TASP1: variants seen among roughly 807,000 people sequenced by gnomAD.
The protein encoded by TASP1 is threonine aspartase 1.
In TASP1, 16 loss-of-function variants were observed where a neutral mutation model predicts 56.6. The ratio of observed to expected loss-of-function variants is 0.28; its 90% CI spans 0.19 to 0.43. TASP1 has a LOEUF of 0.43. TASP1 is among the 20% of genes least tolerant of loss of function. TASP1 has a pLI of 1.00. For synonymous variants in TASP1, 179 were observed against 184.2 expected (o/e 0.97, Z 0.23); for missense variants, 393 against 511.6 (o/e 0.77, Z 2.24).
At chr20:13,536,419 A>G (rs886775118) in intron 8 of TASP1, among the ~76,000 whole-genome samples, 5 of 152,240 alleles carry the variant, frequency 3.3e-5, no homozygotes, top group African/African-American at 4.8e-5. Flanking sequence ...AACTGACAGC[A>G]TATCACCACT....
the TASP1 span, among the ~76,000 whole-genome samples, chr20:13,373,972 T>C: frequency 1.3e-5 from 2 of 152,160 alleles, no homozygotes; most frequent in African/African-American, 2.4e-5. Flanking sequence ...ATAATCCCTA[T>C]CAGTCTATCA....
At chr20:13,121,817 C>CA in the TASP1 span, among the ~76,000 whole-genome samples, 20 of 151,664 alleles carry the variant, frequency 1.3e-4, no homozygotes, top group East Asian at 1.4e-3. Context: ...AAACTCAGTC[C>CA]AAAAAAAATA....
At chr20:13,521,870 G>A (rs932133735) in intron 10 of TASP1, among the ~76,000 whole-genome samples, 4 of 151,956 alleles carry the variant, frequency 2.6e-5, no homozygotes, top group South Asian at 2.1e-4. Context: ...TACTTGCTAC[G>A]GGAAAAAATA....
intron 4 of TASP1, among the ~76,000 whole-genome samples, chr20:13,593,766 T>C (rs957583609): frequency 2.6e-5 from 4 of 152,086 alleles, no homozygotes; most frequent in African/African-American, 9.7e-5. Context: ...TCCACCTCTG[T>C]GGGGAGGGCA....
the TASP1 span, among the ~76,000 whole-genome samples, chr20:13,182,334 A>G: frequency 6.6e-6 from 1 of 152,112 alleles, no homozygotes; most frequent in African/African-American, 2.4e-5. Context: ...AATGCATTGC[A>G]TTTCATTATC....
Position 13,578,639 on chromosome 20 carries a change from T to C in TASP1, c.488+2258A>G, listed in dbSNP as rs535418871. On this transcript the variant is annotated intron_variant, in intron 6 of 13. Transcript: ENST00000337743. ...TTGGGTTTGGGCTTTTTCTTAGTGA[T>C]GTGACATCGGAATTTAATGTTCTTG... 4.9e-4 allele frequency among the ~76,000 whole-genome samples: 75 copies of C among 152,326 alleles called. 1 individual carries two copies. The highest frequency in any genetic ancestry group is 2.2e-3 in the Admixed American group (33 of 15,298).
At position 13,566,926 on chromosome 20, in the gene TASP1, G is replaced by A. The variant is rs144341497; in HGVS notation, c.568+2581C>T. On this transcript the variant is annotated intron_variant, in intron 7 of 13. Transcript: ENST00000337743. Reference sequence around the variant, plus strand: ...TTTGACCTAGCAACCCCGTTACTGAGTATATACCCAAAGGAATACAAGTTG... The same window carrying A: ...TTTGACCTAGCAACCCCGTTACTGAATATATACCCAAAGGAATACAAGTTG... Among the ~76,000 whole-genome samples the A allele has an allele frequency of 1.8e-3, 277 of 152,196 alleles. 1 individual carries two copies. Among genetic ancestry groups the A allele is most frequent in the African/African-American group, 6.3e-3 (260 of 41,532 alleles).
chr20:13,529,691 A>T (rs1436889780), intron 9 of TASP1, among the ~76,000 whole-genome samples: 1 of 152,220 alleles, frequency 6.6e-6, no homozygotes, highest in East Asian at 1.9e-4. Context: ...CCACTGATGG[A>T]GGAAAAAGAT....
intron 4 of TASP1, among the ~76,000 whole-genome samples, chr20:13,591,524 G>A (rs1314131093): frequency 6.6e-6 from 1 of 152,096 alleles, no homozygotes; most frequent in East Asian, 1.9e-4. Context: ...GACTTCTTCA[G>A]ACACATAAAA....
chr20:13,265,703 G>A, the TASP1 span, among the ~76,000 whole-genome samples: 1 of 152,084 alleles, frequency 6.6e-6, no homozygotes, highest in Non-Finnish European at 1.5e-5. Flanking sequence ...AGTAATGGCG[G>A]TTTTTGCCAT....
Position 13,638,904 on chromosome 20 carries a change from C to A in TASP1, c.-85G>T, listed in dbSNP as rs1414628043. 1 of 152,500 alleles carries A rather than the reference C, an allele frequency of 6.6e-6. No individual in the cohort carries two copies. Among genetic ancestry groups the A allele is most frequent in the Non-Finnish European group, 1.5e-5 (1 of 68,312 alleles). 9.4% of individuals were successfully genotyped at this position (152,500 alleles called of 1,614,324 possible). On this transcript the variant is annotated 5_prime_UTR_variant, in exon 1 of 14. Transcript: ENST00000337743. Reference sequence around the variant, plus strand: ...AAGAGGGACACTCACCCGCTTCAGCCCCGAGCCTTCACTGCACCGGAAGTA... The same window carrying A: ...AAGAGGGACACTCACCCGCTTCAGCACCGAGCCTTCACTGCACCGGAAGTA...
the TASP1 span, chr20:13,164,400 C>A: frequency 2.1e-6 from 1 of 478,076 alleles, no homozygotes; most frequent in South Asian, 1.5e-5. Context: ...ATGCATTCTG[C>A]AACCTTATCT....
At chr20:13,628,469 T>C (rs1745154734) in intron 2 of TASP1, among the ~76,000 whole-genome samples, 1 of 152,174 alleles carries the variant, frequency 6.6e-6, no homozygotes, top group Non-Finnish European at 1.5e-5. Context: ...TCTGTAAATT[T>C]ACCTCACCTC....
chr20:13,112,901 G>A, the TASP1 span, among the ~76,000 whole-genome samples: 1 of 152,176 alleles, frequency 6.6e-6, no homozygotes, highest in African/African-American at 2.4e-5. Flanking sequence ...TTTCCCATAA[G>A]GCCAGGTGCA....
At chr20:13,627,518 G>A (rs549890622) in intron 2 of TASP1, among the ~76,000 whole-genome samples, 8 of 152,220 alleles carry the variant, frequency 5.3e-5, no homozygotes, top group Non-Finnish European at 1.2e-4. Context: ...TTGGGAGGCC[G>A]AGGCGGGTGG....
intron 7 of TASP1, among the ~76,000 whole-genome samples, chr20:13,566,818 A>T (rs1311281643): frequency 6.6e-6 from 1 of 152,184 alleles, no homozygotes; most frequent in Non-Finnish European, 1.5e-5. Flanking sequence ...GTGCTTACAC[A>T]CTGCTGGTGG....
the TASP1 span, chr20:13,164,874 T>C: frequency 3.1e-6 from 5 of 1,608,162 alleles, no homozygotes; most frequent in South Asian, 3.3e-5. Context: ...TTAAGTTTCC[T>C]GGTCCTGAAT....
At chr20:13,435,598 T>C (rs1216322497) in intron 11 of TASP1, among the ~76,000 whole-genome samples, 1 of 152,182 alleles carries the variant, frequency 6.6e-6, no homozygotes, top group Non-Finnish European at 1.5e-5. Flanking sequence ...CCACAAACTT[T>C]ATTATAAACA....
the TASP1 span, among the ~76,000 whole-genome samples, chr20:13,126,232 A>G: frequency 6.6e-6 from 1 of 152,160 alleles, no homozygotes; most frequent in South Asian, 2.1e-4. Context: ...AAGGGCAAGG[A>G]CCACATCCTG....
Sources: allele counts gnomAD v4.1 joint callset (sites outside exome capture counted in the v4.1 genomes callset), GRCh38; gene constraint gnomAD v4.1.1; transcripts MANE v1.5; gene names NCBI Gene and HGNC (gene_info 2026-07-23, HGNC 2026-07-21).